The following ZCCHC7 variants were observed in gnomAD, a reference collection of about 807,000 sequenced individuals.
ZCCHC7 encodes zinc finger CCHC-type containing 7.
In ZCCHC7, 35 loss-of-function variants were observed where a neutral mutation model predicts 52.0. That is an observed-to-expected ratio of 0.67 (90% CI 0.51 to 0.89). ZCCHC7 has a LOEUF of 0.89. Among genes scored for constraint, ZCCHC7 ranks in the 40% least tolerant of loss-of-function variants. The pLI is 0.00. For missense variants in ZCCHC7, 574 were observed against 649.1 expected (o/e 0.88, Z 1.26); for synonymous variants, 217 against 221.5 (o/e 0.98, Z 0.18).
chr9:37,300,733 G>A (rs1717644450), intron 2 of ZCCHC7, among the ~76,000 whole-genome samples: 1 of 152,230 alleles, frequency 6.6e-6, no homozygotes, highest in African/African-American at 2.4e-5. Context: ...TAGGAGGACA[G>A]AGGAAATCTT....
intron 2 of ZCCHC7, among the ~76,000 whole-genome samples, chr9:37,166,354 G>C (rs537767245): frequency 2.6e-5 from 4 of 151,968 alleles, no homozygotes; most frequent in Non-Finnish European, 5.9e-5. Flanking sequence ...CCGAGATCGC[G>C]CCACTGCACT....
intron 2 of ZCCHC7, among the ~76,000 whole-genome samples, chr9:37,293,544 G>C (rs769454631): frequency 6.6e-6 from 1 of 152,070 alleles, no homozygotes; most frequent in East Asian, 1.9e-4. Context: ...TATACATATG[G>C]TATATTTTCT....
chr9:37,154,177 C>G (rs960844283), intron 2 of ZCCHC7, among the ~76,000 whole-genome samples: 4 of 152,174 alleles, frequency 2.6e-5, no homozygotes, highest in Middle Eastern at 3.2e-3. Context: ...GGATGAGCCA[C>G]TCCGCCTGGC....
In ZCCHC7 at chr9:37,298,909, C is replaced by T. The variant is rs577199036; in HGVS notation, c.611-3279C>T. On this transcript the variant is annotated intron_variant, in intron 2 of 8. Transcript: ENST00000336755. The stretch of plus-strand genomic sequence containing the variant: ...TTCTCTTACTCTTTCTTTCTCCTTT[C>T]GTTTGTCACCTTGTCCTCTACTAAG... Among the ~76,000 whole-genome samples the T allele has an allele frequency of 5.3e-4, 81 of 152,290 alleles. 1 individual carries two copies. Among genetic ancestry groups the T allele is most frequent in the African/African-American group, 1.9e-3 (77 of 41,558 alleles).
chr9:37,272,491 TAAAAA>T (rs551495038), intron 2 of ZCCHC7, among the ~76,000 whole-genome samples: 1 of 97,818 alleles, frequency 1.0e-5, no homozygotes, highest in Non-Finnish European at 2.1e-5. Context: ...AGCTGTGTGG[TAAAAA>T]AAAAAAAAAA....
chr9:37,213,995 G>A (rs959949964), intron 2 of ZCCHC7, among the ~76,000 whole-genome samples: 3 of 151,544 alleles, frequency 2.0e-5, no homozygotes, highest in African/African-American at 7.3e-5. Context: ...TTCGCTCAAT[G>A]GTGTGTATGT....
chr9:37,275,763 G>A (rs1468749044), intron 2 of ZCCHC7, among the ~76,000 whole-genome samples: 1 of 151,862 alleles, frequency 6.6e-6, no homozygotes, highest in Non-Finnish European at 1.5e-5. Context: ...CTGTCTCAGC[G>A]TCCCAAGTAG....
Position 37,302,104 on chromosome 9 carries a change from G to A in ZCCHC7, c.611-84G>A, listed in dbSNP as rs544170431. ...AGTGTACCTTTGGGGTCCAATTTGA[G>A]TACTCATAAATTGTGTAATCTATTG... is the stretch of plus-strand genomic sequence containing the variant. On this transcript the variant is annotated intron_variant, in intron 2 of 8. Transcript: ENST00000336755. 22 of 1,099,488 alleles carry A rather than the reference G, an allele frequency of 2.0e-5. No homozygotes were observed. In the East Asian group the frequency reaches 4.7e-4, roughly 24 times the overall value. 68.1% of individuals were successfully genotyped at this position (1,099,488 alleles called of 1,614,324 possible).
At chr9:37,220,560 G>T (rs956287484) in intron 2 of ZCCHC7, among the ~76,000 whole-genome samples, 1 of 152,088 alleles carries the variant, frequency 6.6e-6, no homozygotes, top group African/African-American at 2.4e-5. Flanking sequence ...AAAAGGAAGG[G>T]CATCACATGA....
intron 5 of ZCCHC7, among the ~76,000 whole-genome samples, chr9:37,313,009 GA>G (rs1256349610): frequency 6.6e-6 from 1 of 152,144 alleles, no homozygotes; most frequent in East Asian, 1.9e-4. Flanking sequence ...ACTCATCTCT[GA>G]AAAAACTAAA....
chr9:37,315,647 ATTTT>A (rs1339975266), intron 5 of ZCCHC7, among the ~76,000 whole-genome samples: 1 of 151,810 alleles, frequency 6.6e-6, no homozygotes, highest in Non-Finnish European at 1.5e-5. Context: ...ACATGGCTCA[ATTTT>A]TAAATTATTT....
chr9:37,168,175 T>C (rs750515713), intron 2 of ZCCHC7, among the ~76,000 whole-genome samples: 10 of 152,360 alleles, frequency 6.6e-5, no homozygotes, highest in Non-Finnish European at 1.3e-4. Context: ...CAATAAACTT[T>C]GGGCAGTGCT....
At chr9:37,338,235 T>C (rs780809006) in intron 6 of ZCCHC7, among the ~76,000 whole-genome samples, 2 of 152,170 alleles carry the variant, frequency 1.3e-5, no homozygotes, top group African/African-American at 2.4e-5. Flanking sequence ...GCTTAATAGC[T>C]CATTTTTATA....
intron 2 of ZCCHC7, among the ~76,000 whole-genome samples, chr9:37,228,389 A>T (rs913316532): frequency 3.5e-4 from 52 of 148,160 alleles, no homozygotes; most frequent in Non-Finnish European, 6.0e-4. Context: ...TTATTTATTT[A>T]TTTTTTTTTT....
intron 5 of ZCCHC7, among the ~76,000 whole-genome samples, chr9:37,310,970 A>C (rs901856910): frequency 6.6e-6 from 1 of 151,464 alleles, no homozygotes; most frequent in African/African-American, 2.4e-5. Flanking sequence ...AAAAAAAAAA[A>C]AAAAAAAAAA....
At chr9:37,215,336 A>G (rs1267570655) in intron 2 of ZCCHC7, among the ~76,000 whole-genome samples, 1 of 152,204 alleles carries the variant, frequency 6.6e-6, no homozygotes, top group Non-Finnish European at 1.5e-5. Context: ...TTTTCAGGCT[A>G]GTGAATGAAG....
At chr9:37,271,821 C>T (rs766961425) in intron 2 of ZCCHC7, among the ~76,000 whole-genome samples, 10 of 152,214 alleles carry the variant, frequency 6.6e-5, no homozygotes, top group South Asian at 4.1e-4. Context: ...CTGCCCGCCT[C>T]AGCCTCCCAA....
chr9:37,302,526 C>T (rs1829082936), intron 3 of ZCCHC7, among the ~76,000 whole-genome samples: 1 of 152,164 alleles, frequency 6.6e-6, no homozygotes, highest in Admixed American at 6.5e-5. Flanking sequence ...ACTGCTTCTT[C>T]AGTGTAAGGA....
At chr9:37,267,037 G>A (rs567044713) in intron 2 of ZCCHC7, among the ~76,000 whole-genome samples, 15 of 152,210 alleles carry the variant, frequency 9.9e-5, no homozygotes, top group African/African-American at 2.9e-4. Context: ...TATACTATCC[G>A]GAATACAGTC....
Sources: allele counts gnomAD v4.1 joint callset (sites outside exome capture counted in the v4.1 genomes callset), GRCh38; gene constraint gnomAD v4.1.1; transcripts MANE v1.5; gene names NCBI Gene and HGNC (gene_info 2026-07-23, HGNC 2026-07-21).